EXO1: variants seen among roughly 807,000 people sequenced by gnomAD.
The protein encoded by EXO1 is exonuclease 1.
A neutral mutation model predicts 84.5 loss-of-function variants in EXO1; 69 were observed. The observed-to-expected ratio is 0.82, with a 90% CI of 0.67 to 1.00. The LOEUF is 1.00. Ranked by LOEUF, EXO1 falls within the 50% of genes least tolerant of loss-of-function variation. The probability of loss-of-function intolerance (pLI) is 0.00; values close to 1 mark genes in which losing one functional copy is unlikely to be tolerated. For synonymous variants in EXO1, 373 were observed against 366.1 expected, an observed-to-expected ratio of 1.02 and a Z score of -0.21; for missense variants, 1,045 against 1,000.7, an observed-to-expected ratio of 1.04 and a Z score of -0.60.
At chr1:241,878,554 A>T (rs1285657999) in intron 12 of EXO1, among the ~76,000 whole-genome samples, 195 bp from the exon 13 acceptor site, 1 of 152,058 alleles carries the variant, frequency 6.6e-6, no homozygotes, top group African/African-American at 2.4e-5. Context: ...ATAGAATTCT[A>T]AATGTGTGAA....
intron 14 of EXO1, among the ~76,000 whole-genome samples, chr1:241,883,706 G>A (rs1662894123): frequency 1.3e-5 from 2 of 149,696 alleles, no homozygotes; most frequent in South Asian, 4.3e-4. Context: ...TTCATTATTA[G>A]TGAAAAGGAA....
chr1:241,888,968 G>A (rs747702505), intron 15 of EXO1, among the ~76,000 whole-genome samples: 4 of 151,984 alleles, frequency 2.6e-5, no homozygotes, highest in Admixed American at 6.6e-5. Flanking sequence ...CCAGCTACTC[G>A]GGCTGAGGCA....
chr1:241,869,890 T>C (rs766536666), intron 11 of EXO1, among the ~76,000 whole-genome samples: 29 of 151,476 alleles, frequency 1.9e-4, no homozygotes, highest in Non-Finnish European at 4.0e-4. Flanking sequence ...CTTGGCTCAC[T>C]GCAGCCTCCA....
chr1:241,856,204 G>T (rs1191070851), intron 6 of EXO1, among the ~76,000 whole-genome samples: 1 of 151,786 alleles, frequency 6.6e-6, no homozygotes, highest in African/African-American at 2.4e-5. Context: ...ATAGCAAATT[G>T]TTACCAAAAT....
In EXO1 at chr1:241,858,373, C is replaced by T. The variant is rs886770134; in HGVS notation, c.544-133C>T. 6.2e-6 allele frequency: 4 copies of T among 647,484 alleles called. No homozygotes were observed. The African/African-American group carries it at 7.3e-5, about 12-fold the overall frequency. 40.1% of individuals were successfully genotyped at this position (647,484 alleles called of 1,614,324 possible). A position where few individuals can be genotyped will look rare whatever the true frequency, so the allele number is the denominator to read the frequency against. On this transcript the variant is annotated intron_variant, in intron 7 of 15. Transcript: ENST00000366548. The stretch of plus-strand genomic sequence containing the variant: ...TATTTGTAAACTTAGTAATCATCAG[C>T]CTGTCTATCTATGTCTCCTGTCTTT...
chr1:241,881,390 C>T (rs1011148487), intron 13 of EXO1, among the ~76,000 whole-genome samples: 2 of 152,168 alleles, frequency 1.3e-5, no homozygotes, highest in African/African-American at 4.8e-5. Context: ...AACTCTCCAT[C>T]TATAGAGAAG....
At chr1:241,866,061 T>G (rs1347842934) in intron 10 of EXO1, among the ~76,000 whole-genome samples, 1 of 152,234 alleles carries the variant, frequency 6.6e-6, no homozygotes, top group Non-Finnish European at 1.5e-5. Context: ...AGAATATCAT[T>G]GACATCCTCT....
At chr1:241,853,337 A>T in intron 5 of EXO1, 21 bp from the exon 6 acceptor site, 1 of 1,612,648 alleles carries the variant, frequency 6.2e-7, no homozygotes, top group Non-Finnish European at 8.5e-7. Flanking sequence ...TTTATATTTA[A>T]AAAATGTTCT....
At chr1:241,851,590 ACCCT>A (rs1216179054) in intron 4 of EXO1, among the ~76,000 whole-genome samples, 6 of 152,160 alleles carry the variant, frequency 3.9e-5, no homozygotes, top group Non-Finnish European at 5.9e-5. Context: ...GTAATACCTG[ACCCT>A]TGATTGGATC....
intron 14 of EXO1, 65 bp from the exon 15 acceptor site, chr1:241,885,249 A>T: frequency 1.0e-6 from 1 of 964,402 alleles, no homozygotes. Flanking sequence ...AAGAATAAAG[A>T]ATAGCTTGAA....
At chr1:241,853,082 T>C (rs922237850) in intron 5 of EXO1, among the ~76,000 whole-genome samples, 2 of 152,242 alleles carry the variant, frequency 1.3e-5, no homozygotes, top group Non-Finnish European at 2.9e-5. Flanking sequence ...GTATCTTCGT[T>C]ACTACATTTT....
At chr1:241,866,752 A>ATGTTGG (rs755284086) in intron 10 of EXO1, 78 bp from the exon 11 acceptor site, 27 of 1,088,012 alleles carry the variant, frequency 2.5e-5, no homozygotes, top group Non-Finnish European at 3.7e-5. Flanking sequence ...ATGTTTATTT[A>ATGTTGG]TAATTTATGT....
At chr1:241,874,324 G>T (rs554327685) in intron 12 of EXO1, among the ~76,000 whole-genome samples, 2 of 152,192 alleles carry the variant, frequency 1.3e-5, no homozygotes, top group African/African-American at 4.8e-5. Context: ...GCTTGAACCC[G>T]GGAGGAGGTT....
chr1:241,889,843 G>T lies in EXO1; in HGVS notation c.*243G>T, dbSNP rs897274961. On this transcript the variant is annotated 3_prime_UTR_variant, in exon 16 of 16. Coordinates refer to ENST00000366548, the MANE Select transcript of EXO1 (RefSeq NM_130398.4). Reference sequence around the variant, plus strand: ...CTCTGACAGGTTTTTGGAGGTTTTAGTGTTAATTGGGAAAATCCTCTGGAG... The same window carrying T: ...CTCTGACAGGTTTTTGGAGGTTTTATTGTTAATTGGGAAAATCCTCTGGAG... 4.1e-6 allele frequency: 2 copies of T among 493,542 alleles called. No individual in the cohort carries two copies. Among genetic ancestry groups the T allele is most frequent in the African/African-American group, 3.9e-5 (2 of 51,450 alleles). 30.6% of individuals were successfully genotyped at this position (493,542 alleles called of 1,614,324 possible). A position where few individuals can be genotyped will look rare whatever the true frequency, so the allele number is the denominator to read the frequency against.
chr1:241,861,452 G>T lies in EXO1; in HGVS notation c.991G>T (p.Asp331Tyr), dbSNP rs145785261. The change falls in exon 10 of 16, where the codon GAT (aspartate) becomes TAT (tyrosine). Residue 331 changes from aspartate to tyrosine, a missense_variant. Coordinates refer to ENST00000366548, the MANE Select transcript of EXO1 (RefSeq NM_130398.4). ...IALQIALGNKDINTFEQIDDY... is the reference protein window; with the variant it reads ...IALQIALGNKYINTFEQIDDY... ...TCTTCAAATAGCACTTGGAAATAAA[G>T]ATATAAATACTTTTGAACAGATCGA... 4 of 1,593,992 alleles carry T rather than the reference G, an allele frequency of 2.5e-6. No individual in the cohort carries two copies. Among genetic ancestry groups the T allele is most frequent in the Non-Finnish European group, 3.4e-6 (4 of 1,161,712 alleles).
chr1:241,884,960 C>T lies in EXO1; in HGVS notation c.2212-354C>T, dbSNP rs531907776. On this transcript the variant is annotated intron_variant, in intron 14 of 15. Transcript: ENST00000366548. ...TGGTGGCTCATGCCTGTAATCCCAG[C>T]GCTTTGGGAGGCTGAGGCGAGCAGA... is the stretch of plus-strand genomic sequence containing the variant. Among the ~76,000 whole-genome samples the T allele has an allele frequency of 6.6e-5, 10 of 152,244 alleles. No homozygotes were observed. The East Asian group carries it at 1.4e-3, about 21-fold the overall frequency.
chr1:241,854,363 C>G (rs1054923170), intron 6 of EXO1, among the ~76,000 whole-genome samples: 12 of 152,112 alleles, frequency 7.9e-5, no homozygotes, highest in African/African-American at 2.9e-4. Context: ...GCTCGAACTC[C>G]CAATCTCAGG....
rs762177686 is a variant in EXO1, at chr1:241,872,259, G to A, written c.1495G>A (p.Val499Ile). The change falls in exon 12 of 16, where the codon GTT (valine) becomes ATT (isoleucine). Residue 499 changes from valine to isoleucine, a missense_variant. Physicochemically the swap from Val to Ile is conservative, Grantham distance 29. Coordinates refer to ENST00000366548, the MANE Select transcript of EXO1 (RefSeq NM_130398.4). ...RKNEESGAVVVPGTRSRFFCS... is the reference protein window; with the variant it reads ...RKNEESGAVVIPGTRSRFFCS... ...AAATGAAGAAAGTGGTGCAGTTGTG[G>A]TTCCAGGGACCAGAAGCAGGTATAG... The A allele has an allele frequency of 6.2e-7, 1 of 1,614,050 alleles. No individual in the cohort carries two copies. The highest frequency in any genetic ancestry group is 8.5e-7 in the Non-Finnish European group (1 of 1,179,972).
intron 11 of EXO1, among the ~76,000 whole-genome samples, chr1:241,871,138 G>T (rs533864812): frequency 3.3e-4 from 51 of 152,268 alleles, no homozygotes; most frequent in African/African-American, 8.9e-4. Context: ...GGGGACCCTG[G>T]AACACTTGTT....
Sources: allele counts gnomAD v4.1 joint callset (sites outside exome capture counted in the v4.1 genomes callset), GRCh38; gene constraint gnomAD v4.1.1; transcripts MANE v1.5; gene names NCBI Gene and HGNC (gene_info 2026-07-23, HGNC 2026-07-21).